The following UPRT variants were observed in gnomAD, a reference collection of about 807,000 sequenced individuals.
The protein encoded by UPRT is RP11-311P8.3.
Under a neutral mutation model 22.6 loss-of-function variants are expected in UPRT, and 5 were observed. That is an observed-to-expected ratio of 0.22 (90% CI 0.12 to 0.47). UPRT has a LOEUF of 0.47. Among genes scored for constraint, UPRT ranks in the 20% least tolerant of loss-of-function variants. The pLI is 0.99. For missense variants in UPRT, 181 were observed against 239.9 expected (o/e 0.75, Z 1.62); for synonymous variants, 77 against 87.7 (o/e 0.88, Z 0.68).
chrX:75,291,977 A>C (rs2082709895), intron 1 of UPRT, among the ~76,000 whole-genome samples: 1 of 111,647 alleles, frequency 9.0e-6, no homozygotes, highest in African/African-American at 3.2e-5. Context: ...GTAAAATAAC[A>C]GATTTGGGCG....
intron 4 of UPRT, among the ~76,000 whole-genome samples, chrX:75,268,420 C>T (rs2082597478): frequency 9.0e-6 from 1 of 111,264 alleles, no homozygotes; most frequent in Non-Finnish European, 1.9e-5. Context: ...ATGCCAGCAT[C>T]ATCCTGGTAC....
intron 4 of UPRT, among the ~76,000 whole-genome samples, chrX:75,257,561 T>C (rs1475772343): frequency 9.0e-6 from 1 of 111,502 alleles, no homozygotes; most frequent in Non-Finnish European, 1.9e-5. Context: ...TCCAAATCGA[T>C]AAAGAGAAAG....
At chrX:75,291,442 T>C (rs1022841026) in intron 1 of UPRT, 1 of 320,452 alleles carries the variant, frequency 3.1e-6, no homozygotes, top group Non-Finnish European at 6.0e-6. Context: ...ATGAAGTGTG[T>C]GGAATGAAGA....
At chrX:75,216,110 A>T (rs191272076) in intron 4 of UPRT, among the ~76,000 whole-genome samples, 13 of 112,057 alleles carry the variant, frequency 1.2e-4, no homozygotes, top group Admixed American at 5.7e-4. Context: ...AAATGCAAAA[A>T]TTCTCAATAA....
At chrX:75,231,560 G>A (rs1167910602) in intron 4 of UPRT, among the ~76,000 whole-genome samples, 1 of 111,956 alleles carries the variant, frequency 8.9e-6, no homozygotes, top group Non-Finnish European at 1.9e-5. Flanking sequence ...CCCTGGTCTT[G>A]CTAGAGATAT....
intron 4 of UPRT, among the ~76,000 whole-genome samples, chrX:75,250,498 A>T (rs1391881395): frequency 8.9e-6 from 1 of 111,909 alleles, no homozygotes; most frequent in Non-Finnish European, 1.9e-5. Context: ...ACACCCTCCC[A>T]AGACTAAACC....
chrX:75,253,823 G>A (rs2082540216), intron 4 of UPRT, among the ~76,000 whole-genome samples: 1 of 111,976 alleles, frequency 8.9e-6, no homozygotes, highest in Non-Finnish European at 1.9e-5. Context: ...GAAGGTCTAG[G>A]TTATGGAAGA....
chrX:75,271,274 A>G (rs2082607196), upstream of UPRT, among the ~76,000 whole-genome samples: 1 of 112,600 alleles, frequency 8.9e-6, no homozygotes, highest in Admixed American at 9.4e-5. Context: ...AGTTACGAAT[A>G]CAGCATGGTA....
intron 4 of UPRT, among the ~76,000 whole-genome samples, chrX:75,193,406 T>C (rs2082322508): frequency 8.9e-6 from 1 of 111,813 alleles, no homozygotes; most frequent in Non-Finnish European, 1.9e-5. Context: ...ATTTTTTCTT[T>C]CATTTTAGCC....
intron 4 of UPRT, among the ~76,000 whole-genome samples, chrX:75,241,561 T>A (rs941504296): frequency 8.9e-6 from 1 of 111,744 alleles, no homozygotes; most frequent in Non-Finnish European, 1.9e-5. Flanking sequence ...GATCCAGTAA[T>A]CTCACTATTG....
chrX:75,261,709 G>T (rs2082568418), intron 4 of UPRT, among the ~76,000 whole-genome samples: 1 of 111,664 alleles, frequency 9.0e-6, no homozygotes, highest in South Asian at 3.7e-4. Flanking sequence ...GCCTGGCAGA[G>T]ATACAATAAA....
chrX:75,163,548 A>G (rs1364666757), intron 3 of UPRT, among the ~76,000 whole-genome samples: 2 of 111,860 alleles, frequency 1.8e-5, no homozygotes, highest in Non-Finnish European at 3.8e-5. Flanking sequence ...GATAGTGGCC[A>G]TCTTAGAATT....
intron 4 of UPRT, among the ~76,000 whole-genome samples, chrX:75,190,433 G>A (rs867808262): frequency 9.0e-5 from 10 of 111,436 alleles, no homozygotes; most frequent in East Asian, 2.8e-4. Flanking sequence ...TTTCAACTTC[G>A]GTGAATCTGT....
intron 4 of UPRT, among the ~76,000 whole-genome samples, chrX:75,236,569 C>T: frequency 9.0e-6 from 1 of 111,644 alleles, no homozygotes; most frequent in Non-Finnish European, 1.9e-5. Context: ...CTACAGTAAC[C>T]AAAACAGTAT....
rs78139435 is a variant in UPRT at position 75,191,364 on chromosome X, G to A, written c.-447+23485G>A. On this transcript the variant is annotated intron_variant, in intron 4 of 13. Transcript: ENST00000652605. ...CTTTGTCTCAGAGGGGTACCCGGCCGTGTGAGGTGTCAGTCTGCCCCTATT... is the reference window on the plus strand; with the variant it reads ...CTTTGTCTCAGAGGGGTACCCGGCCATGTGAGGTGTCAGTCTGCCCCTATT... 3.8e-3 allele frequency among the ~76,000 whole-genome samples: 424 copies of A among 111,887 alleles called. 3 individuals carry two copies. Among genetic ancestry groups the A allele is most frequent in the African/African-American group, 0.013 (399 of 30,837 alleles).
At position 75,216,117 on chromosome X, in the gene UPRT, A is replaced by G. The variant is rs2082392069; in HGVS notation, c.-447+48238A>G. Among the ~76,000 whole-genome samples the G allele has an allele frequency of 2.7e-5, 3 of 112,067 alleles. No individual in the cohort carries two copies. In the South Asian group the frequency reaches 1.1e-3, roughly 41 times the overall value. On this transcript the variant is annotated intron_variant, in intron 4 of 13. Transcript: ENST00000652605. The stretch of plus-strand genomic sequence containing the variant: ...ATGAACATAAATGCAAAAATTCTCA[A>G]TAAAACATTAACACATCAAATCTAA...
At chrX:75,302,058 C>G (rs1402137684) in intron 6 of UPRT, among the ~76,000 whole-genome samples, 1 of 111,507 alleles carries the variant, frequency 9.0e-6, no homozygotes, top group Admixed American at 9.6e-5. Flanking sequence ...TATGGCTTCT[C>G]TAGTCAGGTG....
chrX:75,287,775 A>G (rs1241008932), intron 1 of UPRT, among the ~76,000 whole-genome samples: 1 of 111,689 alleles, frequency 9.0e-6, no homozygotes, highest in Non-Finnish European at 1.9e-5. Flanking sequence ...CTAGAAAAAC[A>G]AGAAAAAACT....
At chrX:75,237,392 G>T (rs1281512082) in intron 4 of UPRT, among the ~76,000 whole-genome samples, 2 of 111,860 alleles carry the variant, frequency 1.8e-5, no homozygotes, top group Non-Finnish European at 3.8e-5. Context: ...TCAGTGTGGG[G>T]ATTCCTCATG....
Sources: gnomAD v4.1 joint callset for allele counts (sites outside exome capture counted in the v4.1 genomes callset) on GRCh38, gnomAD v4.1.1 for gene constraint, MANE v1.5 for transcripts, NCBI Gene and HGNC (gene_info 2026-07-23, HGNC 2026-07-21) for gene names.